The following TENM1 variants were observed in gnomAD, a reference collection of about 807,000 sequenced individuals.
TENM1 encodes teneurin-1.
In TENM1, 35 loss-of-function variants were observed where a neutral mutation model predicts 174.8. The observed-to-expected ratio is 0.20, with a 90% CI of 0.15 to 0.27. The LOEUF (loss-of-function observed/expected upper bound fraction) is 0.27. TENM1 is among the 10% of genes least tolerant of loss of function. The pLI is 1.00. For missense variants in TENM1, 1,633 were observed against 2,130.1 expected (o/e 0.77, Z 4.59); for synonymous variants, 781 against 798.7 (o/e 0.98, Z 0.37).
At chrX:124,392,493 C>G in intron 27 of TENM1, 145 bp from the exon 31 acceptor site, 1 of 465,817 alleles carries the variant, frequency 2.1e-6, no homozygotes, top group Non-Finnish European at 3.7e-6. Flanking sequence ...TCCACAGATG[C>G]CACCTGTCTT....
the TENM1 span, among the ~76,000 whole-genome samples, chrX:125,164,665 C>CT: frequency 8.9e-6 from 1 of 111,959 alleles, no homozygotes; most frequent in Admixed American, 9.5e-5. Flanking sequence ...GCCTCATTGA[C>CT]TTTTTTCATC....
intron 11 of TENM1, among the ~76,000 whole-genome samples, chrX:124,583,178 C>G (rs1203460062): frequency 2.7e-5 from 3 of 111,109 alleles, no homozygotes; most frequent in African/African-American, 6.6e-5. Context: ...TTTGAAGAGA[C>G]CAGTGGTTCT....
the TENM1 span, among the ~76,000 whole-genome samples, chrX:124,985,138 T>A: frequency 3.6e-5 from 4 of 112,276 alleles, no homozygotes; most frequent in African/African-American, 1.3e-4. Context: ...GACTGGGGAT[T>A]CAGCCAATAC....
At chrX:125,108,795 G>A in the TENM1 span, among the ~76,000 whole-genome samples, 1 of 108,888 alleles carries the variant, frequency 9.2e-6, no homozygotes, top group Non-Finnish European at 1.9e-5. Flanking sequence ...CATATATGTA[G>A]CATTTTACGC....
chrX:125,174,603 A>G, the TENM1 span, among the ~76,000 whole-genome samples: 1 of 111,713 alleles, frequency 9.0e-6, no homozygotes, highest in Non-Finnish European at 1.9e-5. Context: ...TAGTGGGGTC[A>G]CATTAGAATC....
rs760785174 is a variant in TENM1 at position 124,580,367 on chromosome X, T to A, written c.2078-14807A>T. Among the ~76,000 whole-genome samples the A allele has an allele frequency of 2.2e-4, 24 of 111,256 alleles. 1 individual carries two copies. In the South Asian group the frequency reaches 9.1e-3, roughly 42 times the overall value. On this transcript the variant is annotated intron_variant, in intron 11 of 31. Transcript: ENST00000422452. ...AAGCCATGTGCTGAAAGGTAAATACTCTATGATCTCACTTATATGTGGAAT... is the reference window on the plus strand; with the variant it reads ...AAGCCATGTGCTGAAAGGTAAATACACTATGATCTCACTTATATGTGGAAT...
At chrX:125,046,607 T>C in the TENM1 span, among the ~76,000 whole-genome samples, 76 of 112,199 alleles carry the variant, frequency 6.8e-4, no homozygotes, top group Middle Eastern at 4.6e-3. Context: ...CCAGCTGCTA[T>C]AGAAATGTGT....
the TENM1 span, among the ~76,000 whole-genome samples, chrX:125,113,415 A>G: frequency 9.0e-6 from 1 of 111,373 alleles, no homozygotes; most frequent in South Asian, 3.8e-4. Context: ...GAGATACAAT[A>G]TTATACCAGT....
intron 23 of TENM1, among the ~76,000 whole-genome samples, chrX:124,444,775 G>C (rs1033030879): frequency 1.8e-5 from 2 of 111,173 alleles, no homozygotes; most frequent in Admixed American, 1.9e-4. Context: ...AGCCATGGTG[G>C]CTTCCATTCT....
At chrX:124,439,503 A>G (rs866441037) in intron 23 of TENM1, among the ~76,000 whole-genome samples, 17 of 106,294 alleles carry the variant, frequency 1.6e-4, no homozygotes, top group Non-Finnish European at 3.0e-4. Flanking sequence ...TGATCTAGAC[A>G]GAGCTTCACA....
At chrX:125,127,544 T>C in the TENM1 span, among the ~76,000 whole-genome samples, 3 of 111,627 alleles carry the variant, frequency 2.7e-5, no homozygotes, top group Admixed American at 9.6e-5. Context: ...AACTAAAATA[T>C]CAGAAGAGAT....
chrX:124,951,948 G>A (rs1437995091), intron 1 of TENM1, among the ~76,000 whole-genome samples: 1 of 109,875 alleles, frequency 9.1e-6, no homozygotes, highest in Admixed American at 9.9e-5. Context: ...CTTTGGTACT[G>A]CCAATCATAT....
chrX:124,847,571 T>C (rs2056633762), intron 3 of TENM1, among the ~76,000 whole-genome samples: 1 of 111,663 alleles, frequency 9.0e-6, no homozygotes, highest in Non-Finnish European at 1.9e-5. Context: ...TGTGTGTGTG[T>C]GCAAAACAGA....
At chrX:125,159,334 T>C in the TENM1 span, among the ~76,000 whole-genome samples, 4 of 111,900 alleles carry the variant, frequency 3.6e-5, no homozygotes, top group African/African-American at 1.3e-4. Context: ...CTTATGCCCA[T>C]GATTATGTTT....
At chrX:124,743,918 T>A (rs1402797737) in intron 3 of TENM1, among the ~76,000 whole-genome samples, 1 of 111,982 alleles carries the variant, frequency 8.9e-6, no homozygotes, top group African/African-American at 3.2e-5. Flanking sequence ...CTTTCTAGTT[T>A]AATTAATCTC....
At chrX:125,198,592 A>G in the TENM1 span, among the ~76,000 whole-genome samples, 1 of 111,628 alleles carries the variant, frequency 9.0e-6, no homozygotes, top group Non-Finnish European at 1.9e-5. Context: ...AATGACAGAG[A>G]TGGCACTGAT....
At chrX:124,573,130 T>C (rs2049092495) in intron 11 of TENM1, among the ~76,000 whole-genome samples, 1 of 111,607 alleles carries the variant, frequency 9.0e-6, no homozygotes, top group African/African-American at 3.3e-5. Flanking sequence ...ATATATAAAT[T>C]TTAGTATATT....
chrX:124,383,565 G>T, intron 30 of TENM1, 69 bp downstream of exon 33: 1 of 948,088 alleles, frequency 1.1e-6, no homozygotes, highest in Non-Finnish European at 1.5e-6. Flanking sequence ...AAGGCATTGA[G>T]ATTCTGTGAT....
chrX:124,438,633 C>T (rs1295577440), intron 23 of TENM1, among the ~76,000 whole-genome samples: 1 of 111,856 alleles, frequency 8.9e-6, no homozygotes, highest in African/African-American at 3.2e-5. Flanking sequence ...TTTGATATAG[C>T]ATTGAGCACG....
Sources: allele counts gnomAD v4.1 joint callset (sites outside exome capture counted in the v4.1 genomes callset), GRCh38; gene constraint gnomAD v4.1.1; transcripts MANE v1.5; gene names NCBI Gene and HGNC (gene_info 2026-07-23, HGNC 2026-07-21).